Variants in LRRC1 observed in about 807,000 individuals in gnomAD.
LRRC1 encodes leucine rich repeat containing 1, also known as leucine-rich repeat-containing protein 1.
LRRC1 carries 28 observed loss-of-function variants against 69.9 expected under a neutral mutation model. That is an observed-to-expected ratio of 0.40 (90% CI 0.30 to 0.55). LRRC1 has a LOEUF of 0.55. LRRC1 is among the 20% of genes least tolerant of loss of function. LRRC1 has a pLI of 0.47. For synonymous variants in LRRC1, 236 were observed against 240.2 expected, an observed-to-expected ratio of 0.98 and a Z score of 0.16; for missense variants, 498 against 609.0, an observed-to-expected ratio of 0.82 and a Z score of 1.92.
At chr6:53,880,305 C>A (rs1182830779) in intron 3 of LRRC1, among the ~76,000 whole-genome samples, 1 of 152,038 alleles carries the variant, frequency 6.6e-6, no homozygotes, top group Non-Finnish European at 1.5e-5. Flanking sequence ...ACCCTAATAG[C>A]TTTCTTACTT....
Position 53,865,913 on chromosome 6 carries a change from G to A in LRRC1, c.278-13080G>A, listed in dbSNP as rs569434001. Among the ~76,000 whole-genome samples the A allele has an allele frequency of 2.1e-3, 324 of 151,924 alleles. 4 individuals are homozygous for A. The highest frequency in any genetic ancestry group is 7.4e-3 in the African/African-American group (308 of 41,376). On this transcript the variant is annotated intron_variant, in intron 2 of 13. Coordinates refer to ENST00000370888, the MANE Select transcript of LRRC1 (RefSeq NM_018214.5). ...ATTTTTGTATTTTTAGTAGAGATGG[G>A]GTTTCACCATGTTGGCCAGGATGCT...
At chr6:53,890,939 G>GA (rs973288379) in intron 4 of LRRC1, among the ~76,000 whole-genome samples, 1 of 152,116 alleles carries the variant, frequency 6.6e-6, no homozygotes. Flanking sequence ...CGCTAAAATG[G>GA]AAAAAAATTA....
In LRRC1 at chr6:53,795,175, T is replaced by C. The variant is rs1764250075; in HGVS notation, c.-82T>C. Reference sequence around the variant, plus strand: ...AACGAGCGCGGAGAGGGCAGCGGACTGAGCGGAGCCGCCGGCCAGAGCGGG... The same window carrying C: ...AACGAGCGCGGAGAGGGCAGCGGACCGAGCGGAGCCGCCGGCCAGAGCGGG... On this transcript the variant is annotated 5_prime_UTR_variant, in exon 1 of 14. Transcript: ENST00000370888. The C allele has an allele frequency of 7.7e-7, 1 of 1,297,300 alleles. No homozygotes were observed. The highest frequency in any genetic ancestry group is 1.5e-5 in the South Asian group (1 of 68,282). 80.4% of individuals were successfully genotyped at this position (1,297,300 alleles called of 1,614,324 possible).
chr6:53,909,680 C>T (rs115553880), intron 10 of LRRC1, among the ~76,000 whole-genome samples: 293 of 151,436 alleles, frequency 1.9e-3, no homozygotes, highest in Non-Finnish European at 2.9e-3. Context: ...TCAGGGAATC[C>T]CAAAGCCACA....
At chr6:53,810,994 A>C (rs750620307) in intron 1 of LRRC1, among the ~76,000 whole-genome samples, 1 of 152,162 alleles carries the variant, frequency 6.6e-6, no homozygotes, top group Non-Finnish European at 1.5e-5. Flanking sequence ...TTTTCTATCA[A>C]CTTATCATCA....
At chr6:53,828,981 T>C (rs1255876613) in intron 1 of LRRC1, among the ~76,000 whole-genome samples, 1 of 152,232 alleles carries the variant, frequency 6.6e-6, no homozygotes. Context: ...ATAGTAATAA[T>C]TAAGGCTAAC....
chr6:53,886,662 G>A (rs967152128), intron 4 of LRRC1, among the ~76,000 whole-genome samples: 5 of 152,192 alleles, frequency 3.3e-5, no homozygotes, highest in Middle Eastern at 3.4e-3. Context: ...GCTTATTCCA[G>A]TTCAGGTGAA....
intron 1 of LRRC1, among the ~76,000 whole-genome samples, chr6:53,821,064 C>T (rs563266539): frequency 7.9e-4 from 121 of 152,320 alleles, no homozygotes; most frequent in African/African-American, 2.4e-3. Context: ...ACTTACACCA[C>T]GCTTTCTTTG....
chr6:53,823,926 A>G (rs774620013), intron 1 of LRRC1, among the ~76,000 whole-genome samples: 4 of 152,284 alleles, frequency 2.6e-5, no homozygotes, highest in East Asian at 1.9e-4. Flanking sequence ...TGTCTTTGCT[A>G]TTGTGAGTGG....
chr6:53,805,142 T>C (rs746452811), intron 1 of LRRC1, among the ~76,000 whole-genome samples: 1 of 152,180 alleles, frequency 6.6e-6, no homozygotes, highest in African/African-American at 2.4e-5. Flanking sequence ...TGCCAGATCT[T>C]TGGACGACTA....
At chr6:53,815,927 C>G (rs1297650293) in intron 1 of LRRC1, among the ~76,000 whole-genome samples, 1 of 152,184 alleles carries the variant, frequency 6.6e-6, no homozygotes, top group Non-Finnish European at 1.5e-5. Flanking sequence ...AAAATGCTTC[C>G]TGTATCCAGG....
At chr6:53,856,895 C>T (rs1317040441) in intron 2 of LRRC1, among the ~76,000 whole-genome samples, 2 of 152,078 alleles carry the variant, frequency 1.3e-5, no homozygotes, top group Non-Finnish European at 2.9e-5. Context: ...GATCTTGGAC[C>T]AGGCATGAGG....
At chr6:53,887,082 G>A (rs185445910) in intron 4 of LRRC1, among the ~76,000 whole-genome samples, 2 of 152,196 alleles carry the variant, frequency 1.3e-5, no homozygotes, top group East Asian at 3.9e-4. Context: ...TCAGGTTCTG[G>A]AAGATTTATG....
rs76622076 is a variant in LRRC1, at chr6:53,801,209, G to A, written c.159+5794G>A. 3.6e-3 allele frequency among the ~76,000 whole-genome samples: 547 copies of A among 152,266 alleles called. 4 individuals carry two copies. The highest frequency in any genetic ancestry group is 0.012 in the African/African-American group (507 of 41,564). On this transcript the variant is annotated intron_variant, in intron 1 of 13. Coordinates refer to ENST00000370888, the MANE Select transcript of LRRC1 (RefSeq NM_018214.5). ...TCACAGCGCACATTGGTGTCAGCAA[G>A]CAGAATGTGAATGCAGGCTACCTCC...
Position 53,923,460 on chromosome 6 carries a change from G to A in LRRC1, c.*667G>A, listed in dbSNP as rs1768798848. On this transcript the variant is annotated 3_prime_UTR_variant, in exon 14 of 14. Coordinates refer to ENST00000370888, the MANE Select transcript of LRRC1 (RefSeq NM_018214.5). ...ATCTTTGAACAGTGTGATGAGAATAGGAATGTGGTGTTTTAAAGCAGTGTT... is the reference window on the plus strand; with the variant it reads ...ATCTTTGAACAGTGTGATGAGAATAAGAATGTGGTGTTTTAAAGCAGTGTT... 6.6e-6 allele frequency: 1 copy of A among 152,614 alleles called. No homozygotes were observed. The highest frequency in any genetic ancestry group is 2.4e-5 in the African/African-American group (1 of 41,430). 9.5% of individuals were successfully genotyped at this position (152,614 alleles called of 1,614,324 possible).
At chr6:53,882,634 A>G (rs766407166) in intron 3 of LRRC1, among the ~76,000 whole-genome samples, 2 of 152,044 alleles carry the variant, frequency 1.3e-5, no homozygotes, top group Non-Finnish European at 2.9e-5. Flanking sequence ...ATATCTTTCT[A>G]CTTTAATTAT....
At chr6:53,918,504 C>G (rs923143115) in intron 11 of LRRC1, among the ~76,000 whole-genome samples, 2 of 152,048 alleles carry the variant, frequency 1.3e-5, no homozygotes, top group Non-Finnish European at 2.9e-5. Context: ...TTATGCCTAC[C>G]ATTTACTCTG....
rs575420124 is a variant in LRRC1, at chr6:53,919,510, A to G, written c.1119A>G (p.Leu373=). ...AAAAAAAAAACAGGTTGCTGCATCTACCTTTATCCCTGACTGCCTTGAAGT... is the reference window on the plus strand; with the variant it reads ...AAAAAAAAAACAGGTTGCTGCATCTGCCTTTATCCCTGACTGCCTTGAAGT... ...LDVAGNRLLH[L]PLSLTALKLK... Residue 373 remains leucine (L), a synonymous_variant, in exon 12 of 14, where the codon CTA becomes CTG. Transcript: ENST00000370888. 25 of 1,574,826 alleles carry G rather than the reference A, an allele frequency of 1.6e-5. No individual in the cohort carries two copies. Among genetic ancestry groups the G allele is most frequent in the South Asian group, 5.9e-5 (5 of 84,424 alleles).
At chr6:53,796,351 C>A (rs985860582) in intron 1 of LRRC1, among the ~76,000 whole-genome samples, 7 of 152,052 alleles carry the variant, frequency 4.6e-5, no homozygotes, top group African/African-American at 1.7e-4. Flanking sequence ...CTAGAGTAAC[C>A]CCTCGGGGAA....
Sources: allele counts gnomAD v4.1 joint callset (sites outside exome capture counted in the v4.1 genomes callset), GRCh38; gene constraint gnomAD v4.1.1; transcripts MANE v1.5; gene names NCBI Gene and HGNC (gene_info 2026-07-23, HGNC 2026-07-21).